The following CACNA1C variants were observed in gnomAD, a reference collection of about 807,000 sequenced individuals.
CACNA1C encodes calcium voltage-gated channel subunit alpha1 C.
A neutral mutation model predicts 229.0 loss-of-function variants in CACNA1C; 30 were observed. The ratio of observed to expected loss-of-function variants is 0.13; its 90% confidence interval spans 0.10 to 0.18. CACNA1C has a LOEUF of 0.18. Ranked by LOEUF, CACNA1C falls within the 10% of genes least tolerant of loss-of-function variation. The pLI, the probability that CACNA1C is intolerant of heterozygous loss-of-function variation, is 1.00. For missense variants in CACNA1C, 1,658 were observed against 2,845.0 expected (o/e 0.58, Z 9.49); for synonymous variants, 1,114 against 1,132.5 (o/e 0.98, Z 0.33).
chr12:2,647,755 A>G lies in CACNA1C; in HGVS notation c.3913-720A>G, dbSNP rs985429952. On this transcript the variant is annotated intron_variant, in intron 30 of 46. Transcript: ENST00000399655. This position sits in a 1 kb window ranked among gnomAD's most constrained non-coding sequence, Gnocchi z 4.2. Reference sequence around the variant, plus strand: ...GGGGTCAGCAAGGCCTCTGTCCTTCAGCTGGCCCTGCCTGGGGTAAGCTAA... The same window carrying G: ...GGGGTCAGCAAGGCCTCTGTCCTTCGGCTGGCCCTGCCTGGGGTAAGCTAA... 6.6e-6 allele frequency among the ~76,000 whole-genome samples: 1 copy of G among 152,208 alleles called. No individual in the cohort carries two copies. Among genetic ancestry groups the G allele is most frequent in the Non-Finnish European group, 1.5e-5 (1 of 68,032 alleles).
chr12:2,245,734 A>G (rs2072876719), intron 3 of CACNA1C, among the ~76,000 whole-genome samples: 1 of 152,218 alleles, frequency 6.6e-6, no homozygotes, highest in South Asian at 2.1e-4. Context: ...TCTGGGGCAG[A>G]GTTGTCCTAA....
intron 5 of CACNA1C, among the ~76,000 whole-genome samples, chr12:2,476,389 T>C (rs2099628505): frequency 6.6e-6 from 1 of 152,260 alleles, no homozygotes; most frequent in South Asian, 2.1e-4. Context: ...AAGTGTGTAA[T>C]CTGGGACAAT....
intron 3 of CACNA1C, among the ~76,000 whole-genome samples, chr12:2,198,195 G>T (rs376782202): frequency 2.0e-5 from 3 of 152,328 alleles, no homozygotes; most frequent in East Asian, 1.9e-4. Flanking sequence ...GAAGCAAGGT[G>T]CTTGTGTTTG....
intron 3 of CACNA1C, among the ~76,000 whole-genome samples, chr12:2,172,986 G>A (rs1598066841): frequency 1.3e-5 from 2 of 152,202 alleles, no homozygotes; most frequent in Admixed American, 6.5e-5. Flanking sequence ...TGGCAGGGAC[G>A]TTTGCAGACA....
Position 2,690,914 on chromosome 12 carries a change from A to G in CACNA1C, c.6132A>G (p.Glu2044=), listed in dbSNP as rs763793160. 1.3e-6 allele frequency: 2 copies of G among 1,576,938 alleles called. No homozygotes were observed. The highest frequency in any genetic ancestry group is 2.3e-5 in the East Asian group (1 of 43,236). The stretch of plus-strand genomic sequence containing the variant: ...CGCTCCTTCAGGTCTTGATTTCAGA[A>G]GGACTGGGGCAGTTTGCTCAAGATC... ...SSLVEAVLIS[E]GLGQFAQDPK... Residue 2044 remains glutamate (E), a synonymous_variant, in exon 47 of 47, where the codon GAA becomes GAG. Transcript: ENST00000399655.
intron 30 of CACNA1C, among the ~76,000 whole-genome samples, chr12:2,643,741 C>T (rs1443396335): frequency 6.6e-6 from 1 of 152,220 alleles, no homozygotes; most frequent in African/African-American, 2.4e-5. Flanking sequence ...CCTACACCTG[C>T]TGGCTCCTGG....
chr12:2,524,508 T>C (rs906106090), intron 9 of CACNA1C, among the ~76,000 whole-genome samples: 2 of 152,194 alleles, frequency 1.3e-5, no homozygotes, highest in Admixed American at 6.5e-5. Flanking sequence ...TGGTGGACCA[T>C]TGTAATAAGC....
intron 3 of CACNA1C, among the ~76,000 whole-genome samples, chr12:2,209,149 A>C (rs2097846928): frequency 6.6e-6 from 1 of 152,204 alleles, no homozygotes; most frequent in African/African-American, 2.4e-5. Context: ...TTCTATCAGT[A>C]AGACGCAGCG....
intron 1 of CACNA1C, among the ~76,000 whole-genome samples, chr12:1,977,691 A>G (rs1357898763): frequency 1.3e-5 from 2 of 152,246 alleles, no homozygotes; most frequent in African/African-American, 4.8e-5. Flanking sequence ...TAGCCTAGAT[A>G]ATTAGCAACC....
In CACNA1C at chr12:2,575,481, C is replaced by T. The variant is rs144491877; in HGVS notation, c.1896-6109C>T. On this transcript the variant is annotated intron_variant, in intron 13 of 46. Coordinates refer to ENST00000399655, the MANE Select transcript of CACNA1C (RefSeq NM_000719.7). This position sits in a 1 kb window ranked among gnomAD's most constrained non-coding sequence, Gnocchi z 4.0. ...GGACACCCCCTCCTGTGCTCACTTG[C>T]TGGATGGATTCTACCTGCTTCCCCA... Among the ~76,000 whole-genome samples, 165 of 152,274 alleles carry T rather than the reference C, an allele frequency of 1.1e-3. 2 individuals are homozygous for T. Among genetic ancestry groups the T allele is most frequent in the African/African-American group, 3.6e-3 (150 of 41,544 alleles).
At chr12:2,499,761 T>C (rs2099754809) in intron 7 of CACNA1C, among the ~76,000 whole-genome samples, 1 of 152,072 alleles carries the variant, frequency 6.6e-6, no homozygotes, top group African/African-American at 2.4e-5. Flanking sequence ...AGAAGACCTA[T>C]CCCTTATTTC....
chr12:2,191,137 C>G (rs1419133868), intron 3 of CACNA1C, among the ~76,000 whole-genome samples: 1 of 152,172 alleles, frequency 6.6e-6, no homozygotes, highest in Non-Finnish European at 1.5e-5. Context: ...AGGAGAGGCT[C>G]TGTCAGAGGG....
intron 34 of CACNA1C, 22 bp from the exon 35 acceptor site, chr12:2,664,803 C>T (rs1331600195): frequency 8.4e-6 from 13 of 1,545,706 alleles, no homozygotes; most frequent in Middle Eastern, 1.7e-4. Flanking sequence ...GCTGCATGAA[C>T]GTGGCTCTCC....
chr12:2,282,454 C>T (rs2091579264), intron 3 of CACNA1C, among the ~76,000 whole-genome samples: 1 of 152,202 alleles, frequency 6.6e-6, no homozygotes, highest in Non-Finnish European at 1.5e-5. Flanking sequence ...GAGACAGGAA[C>T]AGCAGCTTTA....
intron 3 of CACNA1C, among the ~76,000 whole-genome samples, chr12:2,190,910 T>A (rs989224263): frequency 2.0e-5 from 3 of 152,100 alleles, no homozygotes; most frequent in African/African-American, 7.2e-5. Context: ...GGCTGACAGA[T>A]AAGGGCCCAA....
rs1460994648 is a variant in CACNA1C, at chr12:2,053,512, A to T, written c.-51A>T. 46 of 1,550,598 alleles carry T rather than the reference A, an allele frequency of 3.0e-5. No homozygotes were observed. The highest frequency in any genetic ancestry group is 3.1e-5 in the Non-Finnish European group (36 of 1,146,688). On this transcript the variant is annotated 5_prime_UTR_variant, in exon 1 of 47. Coordinates refer to ENST00000399655, the MANE Select transcript of CACNA1C (RefSeq NM_000719.7). This position sits in a 1 kb window ranked among gnomAD's most constrained non-coding sequence, Gnocchi z 5.8. ...TCCAGACCCGCCGGGGGGTGTTTTC[A>T]CATTTCTTCCTCTTCGTGGCTGCTC...
At chr12:2,340,959 A>T (rs1490585495) in intron 3 of CACNA1C, among the ~76,000 whole-genome samples, 1 of 151,992 alleles carries the variant, frequency 6.6e-6, no homozygotes, top group Non-Finnish European at 1.5e-5. Flanking sequence ...TCCGTCTCAA[A>T]AAAGAAAAAA....
intron 3 of CACNA1C, among the ~76,000 whole-genome samples, chr12:2,274,195 C>T (rs530066241): frequency 6.6e-6 from 1 of 152,304 alleles, no homozygotes; most frequent in East Asian, 1.9e-4. Flanking sequence ...GCTGGACGTC[C>T]AGCAGTTCCC....
chr12:2,310,903 A>G (rs2095404254), intron 3 of CACNA1C, among the ~76,000 whole-genome samples: 1 of 152,200 alleles, frequency 6.6e-6, no homozygotes, highest in African/African-American at 2.4e-5. Flanking sequence ...AGGGGTAGAA[A>G]AAGGAAGACA....
Sources: allele counts gnomAD v4.1 joint callset (sites outside exome capture counted in the v4.1 genomes callset), GRCh38; gene constraint gnomAD v4.1.1; non-coding constraint Gnocchi (gnomAD v3.1); transcripts MANE v1.5; gene names NCBI Gene and HGNC (gene_info 2026-07-23, HGNC 2026-07-21).